The following SRPK2 variants were observed in gnomAD, a reference collection of about 807,000 sequenced individuals.
SRPK2 encodes the protein SRSF protein kinase 2.
In SRPK2, 21 loss-of-function variants were observed where a neutral mutation model predicts 90.8. The observed-to-expected ratio is 0.23, with a 90% CI of 0.16 to 0.33. SRPK2 has a LOEUF of 0.33. Among genes scored for constraint, SRPK2 ranks in the 10% least tolerant of loss-of-function variants. The probability of loss-of-function intolerance (pLI) is 1.00; values close to 1 mark genes in which losing one functional copy is unlikely to be tolerated. For synonymous variants in SRPK2, 288 were observed against 311.1 expected (o/e 0.93, Z 0.78); for missense variants, 620 against 869.0 (o/e 0.71, Z 3.60).
In SRPK2 at chr7:105,121,141, A is replaced by T. The variant is rs558236025; in HGVS notation, c.1916-3119T>A. Among the ~76,000 whole-genome samples the T allele has an allele frequency of 9.3e-4, 142 of 152,314 alleles. 1 individual carries two copies. Among genetic ancestry groups the T allele is most frequent in the Non-Finnish European group, 1.6e-3 (111 of 68,028 alleles). ...GGCAGGAAGATCACCTGAGGTCAGG[A>T]GTTCGAGACCAACCTGGCCAACATG... On this transcript the variant is annotated intron_variant, in intron 15 of 15. Transcript: ENST00000393651.
intron 13 of SRPK2, among the ~76,000 whole-genome samples, chr7:105,132,331 C>G (rs1331114568): frequency 4.6e-5 from 7 of 152,230 alleles, no homozygotes; most frequent in Non-Finnish European, 1.0e-4. Flanking sequence ...GTGAGGAACC[C>G]TGCATGTCTG....
Position 105,182,450 on chromosome 7 carries a change from C to T in SRPK2, c.230-13185G>A, listed in dbSNP as rs538770962. ...AAACTTGTGACTTTGTTTCCCCCCC[C>T]GCCTTTTTTTTTTTTTTTTGAGATG... On this transcript the variant is annotated intron_variant, in intron 3 of 15. Transcript: ENST00000393651. 5.9e-5 allele frequency among the ~76,000 whole-genome samples: 8 copies of T among 134,600 alleles called. No homozygotes were observed. The South Asian group carries it at 1.2e-3, about 20-fold the overall frequency. 88.3% of individuals were successfully genotyped at this position (134,600 alleles called of 152,430 possible). A position where few individuals can be genotyped will look rare whatever the true frequency, so the allele number is the denominator to read the frequency against.
At chr7:105,232,006 T>C (rs570107582) in intron 2 of SRPK2, among the ~76,000 whole-genome samples, 1 of 152,252 alleles carries the variant, frequency 6.6e-6, no homozygotes, top group Non-Finnish European at 1.5e-5. Context: ...CATAGGCACT[T>C]GCCAACACAC....
At chr7:105,124,748 T>C (rs913123567) in intron 15 of SRPK2, among the ~76,000 whole-genome samples, 4 of 150,376 alleles carry the variant, frequency 2.7e-5, no homozygotes, top group Non-Finnish European at 5.9e-5. Flanking sequence ...CCTACTCACA[T>C]CAACTTTAAA....
intron 3 of SRPK2, among the ~76,000 whole-genome samples, chr7:105,184,405 C>G (rs903120203): frequency 5.3e-5 from 8 of 152,056 alleles, no homozygotes; most frequent in South Asian, 2.1e-4. Context: ...TAAAATTTAC[C>G]CTTAAATTTC....
At chr7:105,344,745 A>G (rs1170730906) in intron 2 of SRPK2, among the ~76,000 whole-genome samples, 1 of 143,510 alleles carries the variant, frequency 7.0e-6, no homozygotes, top group Non-Finnish European at 1.5e-5. Flanking sequence ...AAGTACCACA[A>G]TTAACTTTAT....
At chr7:105,148,752 G>T (rs1161758024) in intron 7 of SRPK2, among the ~76,000 whole-genome samples, 1 of 152,232 alleles carries the variant, frequency 6.6e-6, no homozygotes, top group East Asian at 1.9e-4. Context: ...CTGAGATGTT[G>T]TTAATTTGTA....
At chr7:105,181,806 C>A (rs1792849657) in intron 3 of SRPK2, among the ~76,000 whole-genome samples, 1 of 150,916 alleles carries the variant, frequency 6.6e-6, no homozygotes, top group South Asian at 2.1e-4. Context: ...AATCTATACA[C>A]CAAATCCCCG....
At chr7:105,149,116 A>T (rs1021451688) in intron 7 of SRPK2, among the ~76,000 whole-genome samples, 5 of 152,184 alleles carry the variant, frequency 3.3e-5, no homozygotes, top group African/African-American at 4.8e-5. Context: ...GATTAGTAAA[A>T]GAGGAAAGCC....
At chr7:105,159,030 T>C (rs1015728931) in intron 7 of SRPK2, among the ~76,000 whole-genome samples, 5 of 152,150 alleles carry the variant, frequency 3.3e-5, no homozygotes, top group African/African-American at 1.2e-4. Context: ...GATACAGTAC[T>C]GAACAAAAGT....
chr7:105,389,026 C>T, upstream of SRPK2: 1 of 965,948 alleles, frequency 1.0e-6, no homozygotes, highest in Non-Finnish European at 1.2e-6. Flanking sequence ...GGGTCGGGAC[C>T]CCAGCGCCGC....
chr7:105,220,486 A>G (rs1797963194), intron 2 of SRPK2, among the ~76,000 whole-genome samples: 1 of 152,184 alleles, frequency 6.6e-6, no homozygotes, highest in African/African-American at 2.4e-5. Flanking sequence ...AGATCGCACC[A>G]CTGCACTCCA....
At chr7:105,154,777 A>G (rs1014628552) in intron 7 of SRPK2, among the ~76,000 whole-genome samples, 2 of 152,084 alleles carry the variant, frequency 1.3e-5, no homozygotes, top group African/African-American at 4.8e-5. Context: ...CCTGGGTTCA[A>G]GCAATTCCTG....
chr7:105,334,244 G>A (rs1264450609), intron 2 of SRPK2, among the ~76,000 whole-genome samples: 2 of 152,120 alleles, frequency 1.3e-5, no homozygotes, highest in African/African-American at 2.4e-5. Flanking sequence ...ACCATGCCTC[G>A]CTAATGTTTG....
chr7:105,307,215 A>G (rs1811238772), intron 2 of SRPK2, among the ~76,000 whole-genome samples: 1 of 152,202 alleles, frequency 6.6e-6, no homozygotes, highest in Non-Finnish European at 1.5e-5. Flanking sequence ...TACTCCTACT[A>G]CTGAAAAATT....
In SRPK2 at chr7:105,117,963, T is replaced by C; in HGVS notation, c.1975A>G (p.Lys659Glu). Residue 659 changes from lysine (K) to glutamate (E), a missense_variant, in exon 16 of 16, where the codon AAG becomes GAG. Lys to Glu is a moderately conservative substitution (Grantham distance 56). Around this residue, in one of 8 missense-constraint regions of SRPK2, gnomAD observed 71 missense variants for 123.1 expected, o/e 0.58. Coordinates refer to ENST00000393651, the MANE Select transcript of SRPK2 (RefSeq NM_182692.3). ...PWSLFDVLVEKYGWPHEDAAQ... is the reference protein window; with the variant it reads ...PWSLFDVLVEEYGWPHEDAAQ... ...GCATCTTCATGGGGCCAGCCATACTTTTCCACAAGTACATCAAAGAGGCTC... is the reference window on the plus strand; with the variant it reads ...GCATCTTCATGGGGCCAGCCATACTCTTCCACAAGTACATCAAAGAGGCTC... 2 of 1,614,174 alleles carry C rather than the reference T, an allele frequency of 1.2e-6. No homozygotes were observed. Among genetic ancestry groups the C allele is most frequent in the Non-Finnish European group, 1.7e-6 (2 of 1,180,022 alleles).
chr7:105,183,565 C>T (rs890053046), intron 3 of SRPK2, among the ~76,000 whole-genome samples: 1 of 152,174 alleles, frequency 6.6e-6, no homozygotes, highest in Non-Finnish European at 1.5e-5. Context: ...CAGATCACTG[C>T]AATCTCCACC....
chr7:105,143,503 G>T (rs1303721411), intron 9 of SRPK2, 173 bp from the exon 10 acceptor site: 2 of 796,608 alleles, frequency 2.5e-6, no homozygotes, highest in Admixed American at 5.8e-5. Flanking sequence ...AAAATCAAAG[G>T]GAAAGCAGTG....
chr7:105,176,886 C>T (rs1165963272), intron 3 of SRPK2, among the ~76,000 whole-genome samples: 1 of 152,034 alleles, frequency 6.6e-6, no homozygotes, highest in Non-Finnish European at 1.5e-5. Flanking sequence ...CCGCCTGCCC[C>T]GGCCTCCCAA....
Sources: allele counts gnomAD v4.1 joint callset (sites outside exome capture counted in the v4.1 genomes callset), GRCh38; gene constraint gnomAD v4.1.1; regional missense constraint gnomAD v4.1.1; transcripts MANE v1.5; gene names NCBI Gene and HGNC (gene_info 2026-07-23, HGNC 2026-07-21).